The following OTUD7A variants were observed in gnomAD, a reference collection of about 807,000 sequenced individuals.
OTUD7A encodes the protein OTU domain-containing protein 7A.
Under a neutral mutation model 65.7 loss-of-function variants are expected in OTUD7A, and 12 were observed. The ratio of observed to expected loss-of-function variants is 0.18; its 90% CI spans 0.12 to 0.30. The LOEUF is 0.30. Among genes scored for constraint, OTUD7A ranks in the 10% least tolerant of loss-of-function variants. OTUD7A has a pLI of 1.00. For synonymous variants in OTUD7A, 641 were observed against 586.3 expected, an observed-to-expected ratio of 1.09 and a Z score of -1.35; for missense variants, 1,148 against 1,304.8, an observed-to-expected ratio of 0.88 and a Z score of 1.85.
In OTUD7A at chr15:31,574,793, T is replaced by C. The variant is rs543230667; in HGVS notation, c.152-4596A>G. On this transcript the variant is annotated intron_variant, in intron 3 of 12. Transcript: ENST00000307050. The stretch of plus-strand genomic sequence containing the variant: ...CTTTTCTGCAAGCCTGCCTTTCATA[T>C]ATAAACCCATTAATCCAAAGCCCAG... 1.3e-5 allele frequency among the ~76,000 whole-genome samples: 2 copies of C among 152,304 alleles called. 1 individual carries two copies. Among genetic ancestry groups the C allele is most frequent in the African/African-American group, 4.8e-5 (2 of 41,550 alleles).
At chr15:31,765,079 C>G (rs1415667649) in intron 1 of OTUD7A, among the ~76,000 whole-genome samples, 1 of 152,054 alleles carries the variant, frequency 6.6e-6, no homozygotes, top group Non-Finnish European at 1.5e-5. Flanking sequence ...ATATGATTGC[C>G]TTATACTTCT....
chr15:31,760,997 T>C (rs191938165), intron 1 of OTUD7A, among the ~76,000 whole-genome samples: 2 of 152,248 alleles, frequency 1.3e-5, no homozygotes, highest in East Asian at 3.9e-4. Context: ...TAAAGTTCTA[T>C]CCTTACTTCA....
intron 1 of OTUD7A, among the ~76,000 whole-genome samples, chr15:31,692,508 A>C (rs1437311379): frequency 2.6e-5 from 3 of 115,404 alleles, no homozygotes; most frequent in African/African-American, 8.0e-5. Flanking sequence ...GGTCTCAAAG[A>C]GGTAGAGAGT....
intron 3 of OTUD7A, among the ~76,000 whole-genome samples, chr15:31,582,470 A>G (rs1489727334): frequency 6.6e-6 from 1 of 152,192 alleles, no homozygotes; most frequent in African/African-American, 2.4e-5. Context: ...CATACCAGAG[A>G]CTGGGTAATT....
intron 3 of OTUD7A, among the ~76,000 whole-genome samples, chr15:31,646,165 C>T (rs1359827943): frequency 6.6e-6 from 1 of 152,008 alleles, no homozygotes; most frequent in African/African-American, 2.4e-5. Context: ...TACTGAGTGC[C>T]CACTCAGGAC....
intron 4 of OTUD7A, among the ~76,000 whole-genome samples, chr15:31,559,710 C>G (rs1407161596): frequency 1.3e-5 from 2 of 152,186 alleles, no homozygotes; most frequent in Non-Finnish European, 2.9e-5. Flanking sequence ...ACACTACAGA[C>G]TATACACATA....
At chr15:31,820,638 C>T (rs1276184441) in intron 1 of OTUD7A, among the ~76,000 whole-genome samples, 1 of 152,208 alleles carries the variant, frequency 6.6e-6, no homozygotes. Context: ...CCACCATTTT[C>T]TGGTAGCTGT....
At chr15:31,529,606 T>G (rs1296667829) in intron 6 of OTUD7A, among the ~76,000 whole-genome samples, 3 of 152,206 alleles carry the variant, frequency 2.0e-5, no homozygotes, top group Admixed American at 6.5e-5. Context: ...TTGCCTTTCC[T>G]CACTGCAGGT....
chr15:31,739,987 G>A lies in OTUD7A; in HGVS notation c.-99-82910C>T, dbSNP rs144447063. On this transcript the variant is annotated intron_variant, in intron 1 of 12. Coordinates refer to ENST00000307050, the MANE Select transcript of OTUD7A (RefSeq NM_001382637.1). ...CTTCTTTTCTAAAAGGGGCAGACCC[G>A]TCTTTGAATGATGCTACACTTGGTG... Among the ~76,000 whole-genome samples, 381 of 152,342 alleles carry A rather than the reference G, an allele frequency of 2.5e-3. 1 individual carries two copies. Among genetic ancestry groups the A allele is most frequent in the African/African-American group, 8.6e-3 (358 of 41,580 alleles).
chr15:31,632,853 C>A (rs1309928277), intron 3 of OTUD7A, among the ~76,000 whole-genome samples: 8 of 152,224 alleles, frequency 5.3e-5, no homozygotes, highest in Non-Finnish European at 1.0e-4. Context: ...CTCACTGCCA[C>A]CTTGCAGTTT....
At chr15:31,815,619 C>T (rs1255361721) in intron 1 of OTUD7A, among the ~76,000 whole-genome samples, 1 of 152,230 alleles carries the variant, frequency 6.6e-6, no homozygotes, top group African/African-American at 2.4e-5. Flanking sequence ...TGCAAAGATC[C>T]TCTGGTCTAT....
chr15:31,700,607 G>A (rs1295376618), intron 1 of OTUD7A, among the ~76,000 whole-genome samples: 1 of 151,912 alleles, frequency 6.6e-6, no homozygotes, highest in Non-Finnish European at 1.5e-5. Flanking sequence ...CCCAATTCGG[G>A]CAATCATAAA....
At chr15:31,645,644 A>C (rs1175328446) in intron 3 of OTUD7A, among the ~76,000 whole-genome samples, 1 of 152,208 alleles carries the variant, frequency 6.6e-6, no homozygotes, top group Non-Finnish European at 1.5e-5. Context: ...AGTAAATGTT[A>C]AGTGCTCACA....
intron 5 of OTUD7A, among the ~76,000 whole-genome samples, chr15:31,544,978 G>GA (rs998013603): frequency 5.4e-5 from 8 of 149,466 alleles, no homozygotes; most frequent in South Asian, 2.1e-4. Flanking sequence ...AATTAAGCTA[G>GA]AAAAAAAAAC....
chr15:31,554,072 G>A (rs910459072), intron 5 of OTUD7A, among the ~76,000 whole-genome samples: 2 of 151,974 alleles, frequency 1.3e-5, no homozygotes, highest in Admixed American at 6.5e-5. Context: ...CCTTAAATAT[G>A]CCAAGACTTT....
intron 1 of OTUD7A, among the ~76,000 whole-genome samples, chr15:31,852,396 A>G (rs1300995688): frequency 6.6e-6 from 1 of 152,234 alleles, no homozygotes; most frequent in Non-Finnish European, 1.5e-5. Flanking sequence ...TAAGTTTTGC[A>G]GATGGAGAAA....
At chr15:31,635,458 G>A (rs933548479) in intron 3 of OTUD7A, among the ~76,000 whole-genome samples, 14 of 152,164 alleles carry the variant, frequency 9.2e-5, no homozygotes, top group South Asian at 2.1e-4. Context: ...TCCCATCCAA[G>A]CATCCTTCCC....
chr15:31,741,775 G>C (rs1324092327), intron 1 of OTUD7A, among the ~76,000 whole-genome samples: 2 of 151,570 alleles, frequency 1.3e-5, no homozygotes, highest in East Asian at 1.9e-4. Flanking sequence ...CAATAAGATA[G>C]GAAAAATAGC....
At chr15:31,648,411 G>A (rs542686607) in intron 3 of OTUD7A, among the ~76,000 whole-genome samples, 3 of 152,056 alleles carry the variant, frequency 2.0e-5, no homozygotes, top group South Asian at 4.2e-4. Context: ...CAGAAACCAG[G>A]ACACCAACAA....
Sources: gnomAD v4.1 joint callset for allele counts (sites outside exome capture counted in the v4.1 genomes callset) on GRCh38, gnomAD v4.1.1 for gene constraint, MANE v1.5 for transcripts, NCBI Gene and HGNC (gene_info 2026-07-23, HGNC 2026-07-21) for gene names.